GLIS3: variants seen among roughly 807,000 people sequenced by gnomAD.
GLIS3 encodes GLIS family zinc finger 3.
A neutral mutation model predicts 78.6 loss-of-function variants in GLIS3; 53 were observed. The ratio of observed to expected loss-of-function variants is 0.67; its 90% confidence interval spans 0.54 to 0.85. The LOEUF (loss-of-function observed/expected upper bound fraction) is 0.85. GLIS3 is among the 40% of genes least tolerant of loss of function. The probability of loss-of-function intolerance (pLI) is 0.00; values close to 1 mark genes in which losing one functional copy is unlikely to be tolerated. For missense variants in GLIS3, 1,703 were observed against 1,231.1 expected (o/e 1.38, Z -5.74); for synonymous variants, 684 against 509.9 (o/e 1.34, Z -4.60).
chr9:4,180,176 C>A (rs954465711), intron 2 of GLIS3, among the ~76,000 whole-genome samples: 3 of 152,026 alleles, frequency 2.0e-5, no homozygotes, highest in Non-Finnish European at 4.4e-5. Flanking sequence ...GGGTTTCAGG[C>A]GGTCCATGCA....
At chr9:3,933,303 G>A (rs920240568) in intron 5 of GLIS3, among the ~76,000 whole-genome samples, 2 of 152,078 alleles carry the variant, frequency 1.3e-5, no homozygotes, top group South Asian at 4.1e-4. Flanking sequence ...AGCTTCCTGA[G>A]TAGCTGGGAT....
upstream of GLIS3, among the ~76,000 whole-genome samples, chr9:4,351,398 A>C (rs1026810407): frequency 6.6e-4 from 3 of 4,524 alleles, no homozygotes; most frequent in Non-Finnish European, 0.017. Context: ...GAGTGTCTCA[A>C]AAAAAAAAAA....
chr9:4,154,574 GTTAAAGAC>G (rs1337895781), intron 2 of GLIS3, among the ~76,000 whole-genome samples: 1 of 151,018 alleles, frequency 6.6e-6, no homozygotes, highest in Non-Finnish European at 1.5e-5. Flanking sequence ...ATCACAAAGA[GTTAAAGAC>G]TTACATAAAC....
At chr9:3,992,226 T>C (rs1007968496) in intron 4 of GLIS3, among the ~76,000 whole-genome samples, 1 of 152,174 alleles carries the variant, frequency 6.6e-6, no homozygotes, top group African/African-American at 2.4e-5. Flanking sequence ...CCTAGACTAA[T>C]GCTTAGTGTA....
chr9:4,367,602 C>T, the GLIS3 span, among the ~76,000 whole-genome samples: 1 of 144,668 alleles, frequency 6.9e-6, no homozygotes, highest in Non-Finnish European at 1.5e-5. Flanking sequence ...CCACTGCACT[C>T]CAGCCCGGGC....
chr9:3,947,492 T>G (rs1816381431), intron 4 of GLIS3, among the ~76,000 whole-genome samples: 2 of 152,236 alleles, frequency 1.3e-5, no homozygotes, highest in Non-Finnish European at 2.9e-5. Flanking sequence ...GGTACAGCCA[T>G]GGGCACACAC....
chr9:4,084,058 G>C (rs1828784706), intron 4 of GLIS3, among the ~76,000 whole-genome samples: 1 of 152,222 alleles, frequency 6.6e-6, no homozygotes, highest in East Asian at 1.9e-4. Flanking sequence ...TCTGAGGCCA[G>C]GATTTTTAGA....
rs1364311942 is a variant in GLIS3, at chr9:3,920,772, G to C, written c.1983+11588C>G. 3.3e-5 allele frequency among the ~76,000 whole-genome samples: 5 copies of C among 152,258 alleles called. No homozygotes were observed. In the East Asian group the frequency reaches 9.6e-4, roughly 29 times the overall value. On this transcript the variant is annotated intron_variant, in intron 6 of 10. Coordinates refer to ENST00000381971, the MANE Select transcript of GLIS3 (RefSeq NM_001042413.2). ...CTTTGCACTATTATCTCAAAATACA[G>C]TTTCTATTCAAAGTCTACGATGGGT...
chr9:4,469,852 T>TATCAGCTG, the GLIS3 span, among the ~76,000 whole-genome samples: 5 of 152,148 alleles, frequency 3.3e-5, no homozygotes, highest in African/African-American at 1.2e-4. Context: ...AGGAGCTGTT[T>TATCAGCTG]TTTTGAGAAG....
chr9:4,323,010 G>A (rs946658399), intron 2 of GLIS3, among the ~76,000 whole-genome samples: 1 of 152,136 alleles, frequency 6.6e-6, no homozygotes, highest in African/African-American at 2.4e-5. Flanking sequence ...GAATGGTATT[G>A]CCTAGGTTTT....
At chr9:4,113,355 C>T (rs899949915) in intron 4 of GLIS3, among the ~76,000 whole-genome samples, 4 of 152,088 alleles carry the variant, frequency 2.6e-5, no homozygotes, top group African/African-American at 9.7e-5. Context: ...GGGTAGGCAC[C>T]TAGACACAGT....
At chr9:3,889,819 T>G (rs1170953617) in intron 7 of GLIS3, among the ~76,000 whole-genome samples, 1 of 152,234 alleles carries the variant, frequency 6.6e-6, no homozygotes, top group Admixed American at 6.5e-5. Context: ...AAAACCATCC[T>G]TAGTTCTCAG....
In GLIS3 at chr9:4,201,012, G is replaced by C. The variant is rs185331734; in HGVS notation, c.389-75071C>G. On this transcript the variant is annotated intron_variant, in intron 2 of 10. Transcript: ENST00000381971. The stretch of plus-strand genomic sequence containing the variant: ...ATAATCAATTAGGCTTCATTCCTGG[G>C]ATGCAAGATTGGTTCATCATATGCA... Among the ~76,000 whole-genome samples, 24 of 151,984 alleles carry C rather than the reference G, an allele frequency of 1.6e-4. 1 individual carries two copies. Among genetic ancestry groups the C allele is most frequent in the Admixed American group, 6.6e-4 (10 of 15,242 alleles).
the GLIS3 span, among the ~76,000 whole-genome samples, chr9:4,432,918 G>A: frequency 2.6e-5 from 4 of 152,094 alleles, no homozygotes; most frequent in Non-Finnish European, 5.9e-5. Context: ...CCTGTGCTGG[G>A]ATCACAGGTG....
the GLIS3 span, among the ~76,000 whole-genome samples, chr9:4,459,230 T>C: frequency 2.0e-5 from 3 of 152,208 alleles, no homozygotes; most frequent in East Asian, 5.8e-4. Context: ...ATACTGAATA[T>C]ATGTGAAGGT....
At chr9:4,265,897 G>GTTTT (rs148160187) in intron 2 of GLIS3, among the ~76,000 whole-genome samples, 28,701 of 120,376 alleles carry the variant, frequency 0.24, 3,332 homozygotes, top group East Asian at 0.32. Flanking sequence ...ACTCACCCTG[G>GTTTT]TTTTTTTTTT....
chr9:4,339,274 T>C (rs138575948), intron 2 of GLIS3, among the ~76,000 whole-genome samples: 784 of 152,374 alleles, frequency 5.1e-3, no homozygotes, highest in Non-Finnish European at 7.9e-3. Context: ...TTTGTCACTA[T>C]GTAGCTAAAG....
At chr9:3,843,129 T>A (rs139799489) in intron 9 of GLIS3, among the ~76,000 whole-genome samples, 197 of 152,364 alleles carry the variant, frequency 1.3e-3, no homozygotes, top group South Asian at 3.5e-3. Flanking sequence ...GTTGGTCCCA[T>A]ACTGATCTTG....
intron 2 of GLIS3, among the ~76,000 whole-genome samples, chr9:4,130,862 A>G (rs1028030155): frequency 6.6e-6 from 1 of 152,202 alleles, no homozygotes; most frequent in African/African-American, 2.4e-5. Context: ...GTGCACTGTC[A>G]GCTTGCACCC....
Sources: allele counts gnomAD v4.1 joint callset (sites outside exome capture counted in the v4.1 genomes callset), GRCh38; gene constraint gnomAD v4.1.1; transcripts MANE v1.5; gene names NCBI Gene and HGNC (gene_info 2026-07-23, HGNC 2026-07-21).